SMARCA5: variants seen among roughly 807,000 people sequenced by gnomAD.
SMARCA5 encodes SWI/SNF-related matrix-associated actin-dependent regulator of chromatin subfamily A member 5.
Under a neutral mutation model 140.4 loss-of-function variants are expected in SMARCA5, and 18 were observed. The observed-to-expected ratio is 0.13, with a 90% CI of 0.09 to 0.19. The LOEUF (loss-of-function observed/expected upper bound fraction) is 0.19, where lower values mean the gene tolerates loss of function less well. SMARCA5 is among the 10% of genes least tolerant of loss of function. The pLI is 1.00. For synonymous variants in SMARCA5, 449 were observed against 419.6 expected (o/e 1.07, Z -0.86); for missense variants, 606 against 1,276.8 (o/e 0.47, Z 8.01).
chr4:143,524,321 T>A (rs776603082), intron 3 of SMARCA5, 46 bp from the exon 4 acceptor site: 1 of 1,386,508 alleles, frequency 7.2e-7, no homozygotes, highest in Non-Finnish European at 1.0e-6. Context: ...TAGCTGATAA[T>A]TAAAGCCAAA....
chr4:143,545,590 GAAATT>G lies in SMARCA5; in HGVS notation c.2397+9_2397+13del. On this transcript the variant is annotated splice_region_variant and intron_variant, in intron 18 of 23. Transcript: ENST00000283131. ...AAAAACTATTGGGTACAAGGTAATT[GAAATT>G]ATCTGCCTTTCTGTTCATTCCTATC... 7.0e-7 allele frequency: 1 copy of G among 1,426,464 alleles called. No individual in the cohort carries two copies. Among genetic ancestry groups the G allele is most frequent in the Non-Finnish European group, 9.9e-7 (1 of 1,013,566 alleles). 88.4% of individuals were successfully genotyped at this position (1,426,464 alleles called of 1,614,324 possible). A position where few individuals can be genotyped will look rare whatever the true frequency, so the allele number is the denominator to read the frequency against.
At chr4:143,530,118 C>G (rs532027974) in intron 8 of SMARCA5, among the ~76,000 whole-genome samples, 1 of 152,136 alleles carries the variant, frequency 6.6e-6, no homozygotes, top group Non-Finnish European at 1.5e-5. Context: ...AGAGAACAAA[C>G]TATAAAATGT....
rs915482135 is a variant in SMARCA5 at position 143,555,886 on chromosome 4, T to G, written c.*2702T>G. 1.3e-5 allele frequency: 2 copies of G among 153,568 alleles called. No homozygotes were observed. Among genetic ancestry groups the G allele is most frequent in the African/African-American group, 4.8e-5 (2 of 41,454 alleles). 9.5% of individuals were successfully genotyped at this position (153,568 alleles called of 1,614,324 possible). On this transcript the variant is annotated 3_prime_UTR_variant, in exon 24 of 24. Transcript: ENST00000283131. ...CTCAAACGCCGACTTCAGGCAATCCTCTTGCGTCAACCTCTCAAAGTGCTG... is the reference window on the plus strand; with the variant it reads ...CTCAAACGCCGACTTCAGGCAATCCGCTTGCGTCAACCTCTCAAAGTGCTG...
intron 10 of SMARCA5, among the ~76,000 whole-genome samples, chr4:143,536,006 C>T (rs988502660): frequency 3.9e-5 from 6 of 152,070 alleles, no homozygotes; most frequent in Admixed American, 6.6e-5. Context: ...CATTATTCTT[C>T]CTGTCTTCTC....
intron 9 of SMARCA5, among the ~76,000 whole-genome samples, chr4:143,533,456 A>G (rs1578798047): frequency 6.6e-6 from 1 of 151,772 alleles, no homozygotes; most frequent in Middle Eastern, 3.5e-3. Context: ...ATTAAGTTTA[A>G]AGACTAACCA....
At chr4:143,529,200 G>T (rs544859218) in intron 8 of SMARCA5, among the ~76,000 whole-genome samples, 1 of 152,272 alleles carries the variant, frequency 6.6e-6, no homozygotes, top group Non-Finnish European at 1.5e-5. Flanking sequence ...CTCCCAAAGT[G>T]CTGGGATTAC....
chr4:143,525,648 G>T, intron 5 of SMARCA5, 97 bp downstream of exon 5: 1 of 802,526 alleles, frequency 1.2e-6, no homozygotes, highest in Non-Finnish European at 2.1e-6. Context: ...GTTAGCAAAT[G>T]GATCCTCTCA....
chr4:143,534,803 ATGACCTTATGTGTAATATT>A (rs1172030739), intron 9 of SMARCA5, 33 bp from the exon 10 acceptor site: 1 of 1,272,860 alleles, frequency 7.9e-7, no homozygotes, highest in African/African-American at 1.5e-5. Flanking sequence ...ATGCTGAAAT[ATGACCTTATGTGTAATATT>A]GGTATTACCT....
At chr4:143,528,757 C>T (rs1458710905) in intron 8 of SMARCA5, 43 bp downstream of exon 8, 1 of 1,575,400 alleles carries the variant, frequency 6.3e-7, no homozygotes, top group Admixed American at 1.8e-5. Flanking sequence ...TAATATTTTG[C>T]TTAATGCTAT....
chr4:143,544,058 T>C, intron 16 of SMARCA5, 86 bp downstream of exon 16: 1 of 1,087,122 alleles, frequency 9.2e-7, no homozygotes, highest in Non-Finnish European at 1.3e-6. Flanking sequence ...TGTCTTATAA[T>C]TTTGCTTAAA....
chr4:143,525,445 T>C lies in SMARCA5; in HGVS notation c.521-6T>C, dbSNP rs1251183273. The C allele has an allele frequency of 6.3e-7, 1 of 1,587,726 alleles. No homozygotes were observed. Among genetic ancestry groups the C allele is most frequent in the Non-Finnish European group, 8.6e-7 (1 of 1,156,226 alleles). Reference sequence around the variant, plus strand: ...AATGCCTATTGTGCTTTTCTTTTGTTCTTAGATGTAAAATGGGGTAAACTG... The same window carrying C: ...AATGCCTATTGTGCTTTTCTTTTGTCCTTAGATGTAAAATGGGGTAAACTG... On this transcript the variant is annotated splice_polypyrimidine_tract_variant and splice_region_variant and intron_variant, in intron 4 of 23. Transcript: ENST00000283131.
In SMARCA5 at chr4:143,556,246, A is replaced by C. The variant is rs1737750752; in HGVS notation, c.*3062A>C. ...CCCTTTGAGTATTTAATATATGCCGATTGTTTGAACTAATCTGGATTTAAT... is the reference window on the plus strand; with the variant it reads ...CCCTTTGAGTATTTAATATATGCCGCTTGTTTGAACTAATCTGGATTTAAT... On this transcript the variant is annotated 3_prime_UTR_variant, in exon 24 of 24. Transcript: ENST00000283131. 6.6e-6 allele frequency: 1 copy of C among 152,188 alleles called. No homozygotes were observed. The highest frequency in any genetic ancestry group is 1.5e-5 in the Non-Finnish European group (1 of 68,036). 9.4% of individuals were successfully genotyped at this position (152,188 alleles called of 1,614,324 possible).
Position 143,540,026 on chromosome 4 carries a change from A to G in SMARCA5, c.1771-337A>G, listed in dbSNP as rs545649980. ...GGTTAGAATTTTTGTGTTGTTTGCTAAGTTGTTTCATGTCACTTCTTTGCC... is the reference window on the plus strand; with the variant it reads ...GGTTAGAATTTTTGTGTTGTTTGCTGAGTTGTTTCATGTCACTTCTTTGCC... On this transcript the variant is annotated intron_variant, in intron 13 of 23. Coordinates refer to ENST00000283131, the MANE Select transcript of SMARCA5 (RefSeq NM_003601.4). Among the ~76,000 whole-genome samples, 7 of 152,346 alleles carry G rather than the reference A, an allele frequency of 4.6e-5. No homozygotes were observed. The South Asian group carries it at 1.4e-3, about 32-fold the overall frequency.
At chr4:143,542,748 A>G (rs189641548) in intron 14 of SMARCA5, among the ~76,000 whole-genome samples, 1 of 152,324 alleles carries the variant, frequency 6.6e-6, no homozygotes, top group East Asian at 1.9e-4. Flanking sequence ...TTGAAAAATT[A>G]CAAGGTTGTC....
At chr4:143,523,451 T>G (rs1035159057) in intron 3 of SMARCA5, among the ~76,000 whole-genome samples, 1 of 152,206 alleles carries the variant, frequency 6.6e-6, no homozygotes, top group Non-Finnish European at 1.5e-5. Flanking sequence ...TAAAGGATAT[T>G]TTATAAAAAG....
intron 9 of SMARCA5, among the ~76,000 whole-genome samples, chr4:143,533,406 T>G (rs1463407429): frequency 2.0e-5 from 3 of 152,196 alleles, no homozygotes; most frequent in Non-Finnish European, 4.4e-5. Context: ...TCATGATTTA[T>G]TGAAGTGTGT....
Position 143,534,916 on chromosome 4 carries a change from A to G in SMARCA5, c.1220A>G (p.Lys407Arg). The stretch of plus-strand genomic sequence containing the variant: ...GATGTTGAAAAGAGTTTGCCTCCAA[A>G]GAAGGAAGTAAAAATCTATGTGGGC... ...KADVEKSLPPKKEVKIYVGLS... is the reference protein window; with the variant it reads ...KADVEKSLPPRKEVKIYVGLS... The change falls in exon 10 of 24, where the codon AAG becomes AGG. Residue 407 changes from lysine to arginine, a missense_variant. Lys to Arg is a conservative substitution (Grantham distance 26). Around this residue, in one of 10 missense-constraint regions of SMARCA5, gnomAD observed 25 missense variants for 108.7 expected, o/e 0.23. Coordinates refer to ENST00000283131, the MANE Select transcript of SMARCA5 (RefSeq NM_003601.4). 1.2e-6 allele frequency: 2 copies of G among 1,613,458 alleles called. No individual in the cohort carries two copies. The highest frequency in any genetic ancestry group is 1.7e-6 in the Non-Finnish European group (2 of 1,179,722).
rs774563532 is a variant in SMARCA5 at position 143,548,160 on chromosome 4, T to C, written c.2985+20T>C. The C allele has an allele frequency of 3.4e-6, 5 of 1,462,216 alleles. No individual in the cohort carries two copies. In the East Asian group the frequency reaches 1.1e-4, roughly 33 times the overall value. 90.6% of individuals were successfully genotyped at this position (1,462,216 alleles called of 1,614,324 possible). ...GCAATGGTGAGTGCTCAGGGCTTTT[T>C]TGTGTAATGTAGCAGAGTTCAGAGT... On this transcript the variant is annotated intron_variant, in intron 22 of 23. Coordinates refer to ENST00000283131, the MANE Select transcript of SMARCA5 (RefSeq NM_003601.4).
intron 13 of SMARCA5, among the ~76,000 whole-genome samples, chr4:143,539,408 C>T (rs778684510): frequency 1.4e-4 from 22 of 152,092 alleles, no homozygotes; most frequent in South Asian, 2.1e-4. Flanking sequence ...TAAAAGAACA[C>T]CTGTGTGAGA....
Sources: allele counts gnomAD v4.1 joint callset (sites outside exome capture counted in the v4.1 genomes callset), GRCh38; gene constraint gnomAD v4.1.1; regional missense constraint gnomAD v4.1.1; transcripts MANE v1.5; gene names NCBI Gene and HGNC (gene_info 2026-07-23, HGNC 2026-07-21).